The following ARHGAP33 variants were observed in gnomAD, a reference collection of about 807,000 sequenced individuals.
The protein encoded by ARHGAP33 is Rho GTPase activating protein 33.
In ARHGAP33, 57 loss-of-function variants were observed where a neutral mutation model predicts 126.2. The observed-to-expected ratio is 0.45, with a 90% CI of 0.36 to 0.56. The LOEUF is 0.56. Among genes scored for constraint, ARHGAP33 ranks in the 20% least tolerant of loss-of-function variants. The probability of loss-of-function intolerance (pLI) is 0.00; values close to 1 mark genes in which losing one functional copy is unlikely to be tolerated. For synonymous variants in ARHGAP33, 711 were observed against 755.0 expected (o/e 0.94, Z 0.95); for missense variants, 1,500 against 1,748.3 (o/e 0.86, Z 2.53).
chr19:35,778,130 T>C (rs778297744), intron 3 of ARHGAP33, 150 bp from the exon 4 acceptor site: 6 of 858,178 alleles, frequency 7.0e-6, no homozygotes, highest in Admixed American at 2.5e-5. Context: ...TTTTGTTAGG[T>C]ATCTGCTCTA....
intron 16 of ARHGAP33, chr19:35,784,652 C>T (rs564233638): frequency 1.6e-6 from 2 of 1,236,912 alleles, no homozygotes; most frequent in South Asian, 2.4e-5. Flanking sequence ...CCCCGCCCTG[C>T]CCCGGACCCC....
chr19:35,780,048 T>C, intron 6 of ARHGAP33, 163 bp from the exon 7 acceptor site: 1 of 990,920 alleles, frequency 1.0e-6, no homozygotes, highest in South Asian at 1.4e-5. Context: ...GTGCCAGGGC[T>C]GCATCCCTAC....
At chr19:35,784,734 G>C in intron 16 of ARHGAP33, 2 of 1,324,228 alleles carry the variant, frequency 1.5e-6, no homozygotes, top group Non-Finnish European at 1.9e-6. Context: ...CGCTGCCCTC[G>C]CTGGCTGCCG....
chr19:35,788,333 T>C lies in ARHGAP33; in HGVS notation c.3768T>C (p.Asn1256=). ...TCCACCGAGGGTCCTTGTACAGAAA[T>C]GGAGGGCAAAGAGGGGAGGGGGCTG... ...GELHRGSLYR[N]GGQRGEGAGP... is the part of the protein sequence containing the mutation. The change falls in exon 21 of 21, where the codon AAT becomes AAC. Residue 1256 remains asparagine (N), a synonymous_variant. Coordinates refer to ENST00000007510, the MANE Select transcript of ARHGAP33 (RefSeq NM_001366178.1). 6.2e-7 allele frequency: 1 copy of C among 1,607,686 alleles called. No individual in the cohort carries two copies. Among genetic ancestry groups the C allele is most frequent in the Non-Finnish European group, 8.5e-7 (1 of 1,177,948 alleles).
At position 35,778,518 on chromosome 19, in the gene ARHGAP33, C is replaced by T. The variant is rs1217673073; in HGVS notation, c.325C>T (p.His109Tyr). The change falls in exon 5 of 21, where the codon CAC (histidine) becomes TAC (tyrosine). Residue 109 changes from histidine (H) to tyrosine (Y), a missense_variant. This residue lies in a region of ARHGAP33 where 129 missense variants were observed against 145.9 expected (regional missense o/e 0.88). Coordinates refer to ENST00000007510, the MANE Select transcript of ARHGAP33 (RefSeq NM_001366178.1). ...CGATGACTTTCGTTCCCTGGATGCC[C>T]ACCTCCACCGGTGCATATTTGACCG... is the stretch of plus-strand genomic sequence containing the variant. ...SYDDFRSLDAHLHRCIFDRRF... is the reference protein window; with the variant it reads ...SYDDFRSLDAYLHRCIFDRRF... 1 of 1,614,218 alleles carries T rather than the reference C, an allele frequency of 6.2e-7. No individual in the cohort carries two copies. Among genetic ancestry groups the T allele is most frequent in the Non-Finnish European group, 8.5e-7 (1 of 1,180,040 alleles).
Position 35,780,992 on chromosome 19 carries a change from G to A in ARHGAP33, c.902G>A (p.Arg301Gln), listed in dbSNP as rs771272256. The A allele has an allele frequency of 1.4e-5, 23 of 1,611,408 alleles. No individual in the cohort carries two copies. Among genetic ancestry groups the A allele is most frequent in the Middle Eastern group, 1.6e-4 (1 of 6,084 alleles). The part of the protein sequence containing the change: ...TFMRSRPSRQ[R>Q]LRQRGILRQR... ...ATGCGCTCCCGCCCTTCTCGGCAGCGGCTGCGGCAGCGGGGAATCCTGCGA... is the reference window on the plus strand; with the variant it reads ...ATGCGCTCCCGCCCTTCTCGGCAGCAGCTGCGGCAGCGGGGAATCCTGCGA... The change falls in exon 11 of 21, where the codon CGG (arginine) becomes CAG (glutamine). Residue 301 changes from arginine to glutamine, a missense_variant. Physicochemically the swap from Arg to Gln is conservative, Grantham distance 43. Around this residue, in one of 6 missense-constraint regions of ARHGAP33, gnomAD observed 281 missense variants for 413.7 expected, o/e 0.68. Transcript: ENST00000007510.
In ARHGAP33 at chr19:35,779,241, C is replaced by T. The variant is rs1016549244; in HGVS notation, c.501+117C>T. 34 of 760,754 alleles carry T rather than the reference C, an allele frequency of 4.5e-5. No homozygotes were observed. In the African/African-American group the frequency reaches 5.3e-4, roughly 12 times the overall value. 47.1% of individuals were successfully genotyped at this position (760,754 alleles called of 1,614,324 possible). Reference sequence around the variant, plus strand: ...AAGAAAGGAGCCAGAGTGGAGGAGGCGTTGATATTTTAGTGTCTGTGTGGG... The same window carrying T: ...AAGAAAGGAGCCAGAGTGGAGGAGGTGTTGATATTTTAGTGTCTGTGTGGG... On this transcript the variant is annotated intron_variant, in intron 6 of 20. Transcript: ENST00000007510.
At position 35,788,728 on chromosome 19, in the gene ARHGAP33, G is replaced by T; in HGVS notation, c.*299G>T. 2.9e-6 allele frequency: 1 copy of T among 341,936 alleles called. No individual in the cohort carries two copies. The highest frequency in any genetic ancestry group is 5.3e-6 in the Non-Finnish European group (1 of 188,818). The allele number at this position is 341,936 out of a possible 1,614,324, so 21.2% of individuals were successfully genotyped here. ...AGGAGCCCCCAGCATGTCCTGACCT[G>T]TGCACGGGGATGGGGGGACAACTCC... On this transcript the variant is annotated 3_prime_UTR_variant, in exon 21 of 21. Transcript: ENST00000007510.
intron 11 of ARHGAP33, 34 bp from the exon 12 acceptor site, chr19:35,781,116 C>T (rs779681769): frequency 1.0e-5 from 14 of 1,345,262 alleles, no homozygotes; most frequent in African/African-American, 9.0e-5. Context: ...ACCAGGGCTG[C>T]GGCCCACCCA....
chr19:35,787,286 G>A lies in ARHGAP33; in HGVS notation c.2721G>A (p.Arg907=). The A allele has an allele frequency of 3.7e-6, 6 of 1,612,488 alleles. No homozygotes were observed. Among genetic ancestry groups the A allele is most frequent in the Non-Finnish European group, 3.4e-6 (4 of 1,179,560 alleles). Residue 907 remains arginine, a synonymous_variant, in exon 21 of 21, where the codon CGG becomes CGA. Coordinates refer to ENST00000007510, the MANE Select transcript of ARHGAP33 (RefSeq NM_001366178.1). Reference sequence around the variant, plus strand: ...TCATGGCCCTGGCCCTGGCTGAGCGGGCTCAGCAGGTGGCCGAGCAACAGA... The same window carrying A: ...TCATGGCCCTGGCCCTGGCTGAGCGAGCTCAGCAGGTGGCCGAGCAACAGA... ...ARLMALALAE[R]AQQVAEQQSQ... is the part of the protein sequence containing the mutation.
In ARHGAP33 at chr19:35,785,213, G is replaced by A; in HGVS notation, c.1746G>A (p.Lys582=). The A allele has an allele frequency of 6.3e-7, 1 of 1,579,188 alleles. No individual in the cohort carries two copies. Among genetic ancestry groups the A allele is most frequent in the South Asian group, 1.1e-5 (1 of 88,510 alleles). Residue 582 remains lysine (K), a synonymous_variant, in exon 18 of 21, where the codon AAG becomes AAA. Transcript: ENST00000007510. Reference sequence around the variant, plus strand: ...GGAGGAAAGGGGAGAGAGGGGAGAAGCAGCGGAAGCCAGGGGGCAGCAGCT... The same window carrying A: ...GGAGGAAAGGGGAGAGAGGGGAGAAACAGCGGAAGCCAGGGGGCAGCAGCT... ...AERRKGERGE[K]QRKPGGSSWK...
At chr19:35,783,933 G>T (rs766525624) in intron 15 of ARHGAP33, among the ~76,000 whole-genome samples, 3 of 150,606 alleles carry the variant, frequency 2.0e-5, no homozygotes, top group Admixed American at 1.3e-4. Flanking sequence ...GAGTTAAAGA[G>T]GGGGGCTCAG....
Position 35,786,467 on chromosome 19 carries a change from C to G in ARHGAP33, c.1997C>G (p.Pro666Arg). The part of the protein sequence containing the change: ...RRPHSSSDAF[P>R]VGPAPAGSCE... ...CCCCACTCCAGCAGCGACGCTTTCC[C>G]TGTGGGCCCAGCACCTGCTGGCTCC... The change falls in exon 20 of 21, where the codon CCT becomes CGT. Residue 666 changes from proline to arginine, a missense_variant. By Grantham distance (103) the Pro-to-Arg change is moderately radical. Transcript: ENST00000007510. This position sits in a 1 kb window ranked among gnomAD's most constrained non-coding sequence, Gnocchi z 7.0. The G allele has an allele frequency of 6.5e-7, 1 of 1,535,942 alleles. No homozygotes were observed. The highest frequency in any genetic ancestry group is 8.7e-7 in the Non-Finnish European group (1 of 1,146,772).
At chr19:35,781,673 A>G (rs1332267376) in intron 12 of ARHGAP33, among the ~76,000 whole-genome samples, 1 of 152,024 alleles carries the variant, frequency 6.6e-6, no homozygotes, top group Non-Finnish European at 1.5e-5. Context: ...GAGCCACCTC[A>G]TGCGAGGGTC....
intron 5 of ARHGAP33, 131 bp downstream of exon 5, chr19:35,778,732 T>C: frequency 1.6e-6 from 2 of 1,277,136 alleles, no homozygotes; most frequent in Non-Finnish European, 2.1e-6. Flanking sequence ...TCTGAATGAA[T>C]GGAGAAGCCT....
In ARHGAP33 at chr19:35,784,283, C is replaced by A; in HGVS notation, c.1533C>A (p.Ser511Arg). The change falls in exon 16 of 21, where the codon AGC (serine) becomes AGA (arginine). Residue 511 changes from serine (S) to arginine (R), a missense_variant. Transcript: ENST00000007510. Reference sequence around the variant, plus strand: ...TCACCCATGTGGACGTCCTGTTCAGCGACACCTTCACCTCCGCCGGCCTCG... The same window carrying A: ...TCACCCATGTGGACGTCCTGTTCAGAGACACCTTCACCTCCGCCGGCCTCG... ...FLLTHVDVLF[S>R]DTFTSAGLDP... 1 of 1,604,560 alleles carries A rather than the reference C, an allele frequency of 6.2e-7. No homozygotes were observed. Among genetic ancestry groups the A allele is most frequent in the South Asian group, 1.1e-5 (1 of 90,132 alleles).
At position 35,787,789 on chromosome 19, in the gene ARHGAP33, C is replaced by A; in HGVS notation, c.3224C>A (p.Pro1075His). Residue 1075 changes from proline to histidine, a missense_variant, in exon 21 of 21, where the codon CCC becomes CAC. By Grantham distance (77) the Pro-to-His change is moderately conservative (BLOSUM62 -2). Transcript: ENST00000007510. The part of the protein sequence containing the change: ...PAPVWRSSLG[P>H]PAPLDRGENL... The stretch of plus-strand genomic sequence containing the variant: ...CCAGTCTGGAGGAGCTCTCTGGGCC[C>A]CCCTGCACCACTCGACAGGGGAGAG... 6.3e-7 allele frequency: 1 copy of A among 1,597,006 alleles called. No homozygotes were observed. The highest frequency in any genetic ancestry group is 2.2e-5 in the East Asian group (1 of 44,772).
Position 35,786,486 on chromosome 19 carries a change from T to A in ARHGAP33, c.2016T>A (p.Ala672=), listed in dbSNP as rs1972115474. Residue 672 remains alanine (A), a synonymous_variant, in exon 20 of 21, where the codon GCT becomes GCA. Coordinates refer to ENST00000007510, the MANE Select transcript of ARHGAP33 (RefSeq NM_001366178.1). This position sits in a 1 kb window ranked among gnomAD's most constrained non-coding sequence, Gnocchi z 7.0. ...CTTTCCCTGTGGGCCCAGCACCTGC[T>A]GGCTCCTGCGAGAGCCTGTCCTCGT... The part of the protein sequence containing the change: ...SDAFPVGPAP[A]GSCESLSSSS... The A allele has an allele frequency of 1.3e-6, 2 of 1,535,900 alleles. No homozygotes were observed. Among genetic ancestry groups the A allele is most frequent in the Non-Finnish European group, 1.7e-6 (2 of 1,146,778 alleles).
Position 35,788,459 on chromosome 19 carries a change from C to T in ARHGAP33, c.*30C>T. ...CAGCTGGGAGGGGCCGTCCTTCCTT[C>T]CCTTCACCCTCACTGGATCTTGGCC... On this transcript the variant is annotated 3_prime_UTR_variant, in exon 21 of 21. Transcript: ENST00000007510. 2 of 1,483,906 alleles carry T rather than the reference C, an allele frequency of 1.3e-6. No homozygotes were observed. The highest frequency in any genetic ancestry group is 1.4e-5 in the African/African-American group (1 of 70,294). 91.9% of individuals were successfully genotyped at this position (1,483,906 alleles called of 1,614,324 possible). A position where few individuals can be genotyped will look rare whatever the true frequency, so the allele number is the denominator to read the frequency against.
Sources: gnomAD v4.1 joint callset for allele counts (sites outside exome capture counted in the v4.1 genomes callset) on GRCh38, gnomAD v4.1.1 for gene constraint, gnomAD v4.1.1 regional missense constraint, Gnocchi (gnomAD v3.1) non-coding constraint, MANE v1.5 for transcripts, NCBI Gene and HGNC (gene_info 2026-07-23, HGNC 2026-07-21) for gene names.